SAMMSON: variants seen among roughly 807,000 people sequenced by gnomAD.
The protein encoded by SAMMSON is long intergenic non-protein coding RNA 1212.
intron 4 of SAMMSON, among the ~76,000 whole-genome samples, chr3:70,237,977 A>ATTTTTTTTTT (rs1251005797): frequency 6.9e-3 from 89 of 12,908 alleles, no homozygotes; most frequent in African/African-American, 0.013. Context: ...ATTGAGTGGT[A>ATTTTTTTTTT]TCTTTTTTTT....
intron 2 of SAMMSON, among the ~76,000 whole-genome samples, chr3:70,405,021 A>G (rs1326612178): frequency 6.6e-6 from 1 of 152,216 alleles, no homozygotes; most frequent in East Asian, 1.9e-4. Context: ...AAATAACAAC[A>G]ACAAAAAACA....
At position 70,372,278 on chromosome 3, in the gene SAMMSON, G is replaced by C. The variant is rs1702976761; in HGVS notation, n.913+13954G>C. Among the ~76,000 whole-genome samples the C allele has an allele frequency of 2.0e-5, 3 of 151,484 alleles. No individual in the cohort carries two copies. In the South Asian group the frequency reaches 6.2e-4, roughly 31 times the overall value. On this transcript the variant is annotated intron_variant and non_coding_transcript_variant, in intron 9 of 9. Transcript: ENST00000642114. ...TTGATGAGTGGACTAAGATGGTTTT[G>C]TTTTATTTTATTTCATGTATTTTAT...
chr3:70,340,955 T>C (rs1235847979), intron 7 of SAMMSON, among the ~76,000 whole-genome samples: 1 of 152,122 alleles, frequency 6.6e-6, no homozygotes. Flanking sequence ...TTAATAAGCC[T>C]TTCTGAGTCT....
chr3:70,364,814 C>A (rs572087703), intron 9 of SAMMSON, among the ~76,000 whole-genome samples: 173 of 151,786 alleles, frequency 1.1e-3, no homozygotes, highest in African/African-American at 4.0e-3. Context: ...TTTCCCCTTA[C>A]TGTAGTTTGT....
intron 4 of SAMMSON, among the ~76,000 whole-genome samples, chr3:70,133,539 T>C (rs1265707785): frequency 1.3e-5 from 2 of 152,150 alleles, no homozygotes; most frequent in African/African-American, 2.4e-5. Context: ...AGGGAGGTTA[T>C]GGGAGTCCTT....
chr3:70,094,138 C>T (rs1310795318), intron 4 of SAMMSON, among the ~76,000 whole-genome samples: 1 of 152,066 alleles, frequency 6.6e-6, no homozygotes, highest in Non-Finnish European at 1.5e-5. Flanking sequence ...CTTGATCTCT[C>T]CTCTCACCTT....
intron 4 of SAMMSON, among the ~76,000 whole-genome samples, chr3:70,079,503 C>G (rs1309911640): frequency 1.3e-5 from 2 of 152,160 alleles, no homozygotes; most frequent in Non-Finnish European, 2.9e-5. Context: ...AGAAGCTGTG[C>G]TTCAAGTACC....
At chr3:70,374,799 G>A (rs1280143101) in intron 9 of SAMMSON, among the ~76,000 whole-genome samples, 1 of 152,174 alleles carries the variant, frequency 6.6e-6, no homozygotes, top group East Asian at 1.9e-4. Flanking sequence ...TGGAGCTAAG[G>A]CCACACTTTT....
At chr3:70,353,420 AAAG>A (rs796921990) in intron 7 of SAMMSON, among the ~76,000 whole-genome samples, 4 of 152,252 alleles carry the variant, frequency 2.6e-5, no homozygotes, top group African/African-American at 9.6e-5. Context: ...TAAAAGAAAT[AAAG>A]AAGATGTTTC....
At chr3:70,010,604 A>G (rs1364829480) in intron 1 of SAMMSON, among the ~76,000 whole-genome samples, 1 of 152,128 alleles carries the variant, frequency 6.6e-6, no homozygotes, top group African/African-American at 2.4e-5. Context: ...ACCTATTTGT[A>G]ATTTCAGCAT....
At chr3:70,121,402 C>T (rs2067432530) in intron 4 of SAMMSON, among the ~76,000 whole-genome samples, 1 of 152,092 alleles carries the variant, frequency 6.6e-6, no homozygotes, top group Admixed American at 6.5e-5. Flanking sequence ...AAAGAACTCT[C>T]CATCAGTTGA....
chr3:70,247,190 C>G (rs1457380289), intron 4 of SAMMSON, among the ~76,000 whole-genome samples: 1 of 151,854 alleles, frequency 6.6e-6, no homozygotes, highest in African/African-American at 2.4e-5. Flanking sequence ...GATGACTTCC[C>G]TGTGTTTTCA....
chr3:70,118,362 C>G (rs2106665199), intron 4 of SAMMSON, among the ~76,000 whole-genome samples: 1 of 152,286 alleles, frequency 6.6e-6, no homozygotes, highest in African/African-American at 2.4e-5. Context: ...TTTATGCCAG[C>G]AAGTTCAAAT....
At chr3:70,243,745 G>A (rs1701681405) in intron 4 of SAMMSON, among the ~76,000 whole-genome samples, 1 of 152,086 alleles carries the variant, frequency 6.6e-6, no homozygotes, top group Non-Finnish European at 1.5e-5. Flanking sequence ...CTGATCTAAA[G>A]CAAGATTGAA....
chr3:70,210,329 T>G (rs1156395983), intron 4 of SAMMSON, among the ~76,000 whole-genome samples: 1 of 152,114 alleles, frequency 6.6e-6, no homozygotes, highest in Admixed American at 6.6e-5. Context: ...TATCTCTGTT[T>G]ATATTTTTAT....
chr3:70,071,220 A>G (rs2067228171), intron 3 of SAMMSON, among the ~76,000 whole-genome samples: 1 of 152,070 alleles, frequency 6.6e-6, no homozygotes, highest in Non-Finnish European at 1.5e-5. Context: ...GCATCTGTGC[A>G]TCTGCCTCTG....
intron 6 of SAMMSON, among the ~76,000 whole-genome samples, chr3:70,261,279 G>A (rs1701863816): frequency 6.6e-6 from 1 of 152,174 alleles, no homozygotes; most frequent in Non-Finnish European, 1.5e-5. Flanking sequence ...TTTTAAGAGA[G>A]TTAGTGCAGT....
chr3:70,017,968 T>A (rs374617579), intron 3 of SAMMSON, among the ~76,000 whole-genome samples: 1 of 152,080 alleles, frequency 6.6e-6, no homozygotes, highest in Non-Finnish European at 1.5e-5. Flanking sequence ...TTTTGATGTG[T>A]TGCTGGATTT....
At chr3:70,235,296 G>C (rs1240018150) in intron 4 of SAMMSON, among the ~76,000 whole-genome samples, 1 of 152,080 alleles carries the variant, frequency 6.6e-6, no homozygotes, top group Non-Finnish European at 1.5e-5. Flanking sequence ...AGGTGTACTA[G>C]AGACTATAAA....
Sources: allele counts gnomAD v4.1 joint callset (sites outside exome capture counted in the v4.1 genomes callset), GRCh38; gene constraint gnomAD v4.1.1; transcripts MANE v1.5; gene names NCBI Gene and HGNC (gene_info 2026-07-23, HGNC 2026-07-21).